Variants in PRR11 observed in about 807,000 individuals in gnomAD.
The protein encoded by PRR11 is proline rich 11, also known as proline-rich protein 11.
Under a neutral mutation model 45.6 loss-of-function variants are expected in PRR11, and 30 were observed. That is an observed-to-expected ratio of 0.66 (90% CI 0.49 to 0.89). The LOEUF (loss-of-function observed/expected upper bound fraction) is 0.89. Ranked by LOEUF, PRR11 falls within the 40% of genes least tolerant of loss-of-function variation. The pLI, the probability that PRR11 is intolerant of heterozygous loss-of-function variation, is 0.00. For missense variants in PRR11, 373 were observed against 424.8 expected, an observed-to-expected ratio of 0.88 and a Z score of 1.07; for synonymous variants, 128 against 153.5, an observed-to-expected ratio of 0.83 and a Z score of 1.23.
intron 2 of PRR11, chr17:59,178,368 G>T: frequency 2.3e-6 from 1 of 433,052 alleles, no homozygotes; most frequent in Non-Finnish European, 4.5e-6. Flanking sequence ...CATCTGGTGG[G>T]AAGTGCTGGA....
rs529976443 is a variant in PRR11, at chr17:59,187,469, C to T, written c.402+1907C>T. 1.4e-4 allele frequency among the ~76,000 whole-genome samples: 21 copies of T among 152,108 alleles called. No homozygotes were observed. The South Asian group carries it at 3.1e-3, about 23-fold the overall frequency. ...CCTGTAATCCCAGCTACTCGGATGG[C>T]TGAGGCAGGTGAATTGCTTGAACCC... On this transcript the variant is annotated intron_variant, in intron 4 of 9. Coordinates refer to ENST00000262293, the MANE Select transcript of PRR11 (RefSeq NM_018304.4).
At chr17:59,171,412 A>G (rs929887080) in intron 2 of PRR11, among the ~76,000 whole-genome samples, 14 of 152,208 alleles carry the variant, frequency 9.2e-5, no homozygotes, top group Admixed American at 3.9e-4. Context: ...TAAGTGTAAT[A>G]CATATATTAA....
intron 2 of PRR11, among the ~76,000 whole-genome samples, chr17:59,176,808 TG>T (rs2046749476): frequency 6.6e-6 from 1 of 150,680 alleles, no homozygotes; most frequent in Admixed American, 6.7e-5. Flanking sequence ...CGGGTTCTCT[TG>T]CCTGAGCCTC....
At chr17:59,159,725 C>A (rs1295521573) in intron 1 of PRR11, among the ~76,000 whole-genome samples, 1 of 152,198 alleles carries the variant, frequency 6.6e-6, no homozygotes, top group African/African-American at 2.4e-5. Context: ...AATCCCCTGA[C>A]ATACCTTTCT....
rs5821252 is a variant in PRR11 at position 59,184,850 on chromosome 17, GTTTTTTTTTTTTTT to G, written c.129-191_129-178del. Among the ~76,000 whole-genome samples the G allele has an allele frequency of 6.9e-5, 5 of 72,692 alleles. No individual in the cohort carries two copies. The Admixed American group carries it at 7.0e-4, about 10-fold the overall frequency. The allele number at this position is 72,692 out of a possible 152,430, so 47.7% of individuals were successfully genotyped here. On this transcript the variant is annotated intron_variant, in intron 2 of 9. Coordinates refer to ENST00000262293, the MANE Select transcript of PRR11 (RefSeq NM_018304.4). Reference sequence around the variant, plus strand: ...CTGGCACACCACCATGCCTGATTAAGTTTTTTTTTTTTTTTTTTTTTTTTTTGGCAGGGACAGGG... The same window carrying G: ...CTGGCACACCACCATGCCTGATTAAGTTTTTTTTTTTTGGCAGGGACAGGG...
chr17:59,195,291 T>A, intron 6 of PRR11, 40 bp from the exon 7 acceptor site: 1 of 1,478,230 alleles, frequency 6.8e-7, no homozygotes, highest in Non-Finnish European at 9.4e-7. Flanking sequence ...GAGTGATATT[T>A]TAAAATTTGT....
At chr17:59,171,486 A>G (rs2046708294) in intron 2 of PRR11, among the ~76,000 whole-genome samples, 1 of 152,150 alleles carries the variant, frequency 6.6e-6, no homozygotes, top group African/African-American at 2.4e-5. Flanking sequence ...AAAGATTTAA[A>G]TATAAAAGAT....
chr17:59,196,796 T>G (rs541142911), intron 7 of PRR11, among the ~76,000 whole-genome samples: 1 of 152,170 alleles, frequency 6.6e-6, no homozygotes, highest in East Asian at 1.9e-4. Flanking sequence ...GGTCAAGAAG[T>G]ATTACATATT....
At chr17:59,184,387 G>A (rs928892183) in intron 2 of PRR11, among the ~76,000 whole-genome samples, 4 of 152,154 alleles carry the variant, frequency 2.6e-5, no homozygotes, top group Non-Finnish European at 5.9e-5. Flanking sequence ...ACTTGAACTC[G>A]GGGTGCGGAG....
At chr17:59,178,104 C>A (rs1451270981) in intron 2 of PRR11, among the ~76,000 whole-genome samples, 2 of 151,728 alleles carry the variant, frequency 1.3e-5, no homozygotes, top group African/African-American at 2.4e-5. Context: ...GAGGCCAAGG[C>A]AAGCGGAACA....
chr17:59,175,516 A>G (rs1322259784), intron 2 of PRR11, among the ~76,000 whole-genome samples: 11 of 152,052 alleles, frequency 7.2e-5, no homozygotes, highest in Admixed American at 7.2e-4. Flanking sequence ...AATCCCAGCA[A>G]TTTGGGAGGC....
intron 1 of PRR11, among the ~76,000 whole-genome samples, chr17:59,164,068 TA>T (rs1449056234): frequency 3.3e-5 from 5 of 151,482 alleles, no homozygotes; most frequent in Non-Finnish European, 7.4e-5. Context: ...GACTCCATCT[TA>T]AAAAAAAGAA....
At chr17:59,199,709 C>T (rs2046883458) in intron 9 of PRR11, among the ~76,000 whole-genome samples, 1 of 152,182 alleles carries the variant, frequency 6.6e-6, no homozygotes, top group African/African-American at 2.4e-5. Flanking sequence ...TAGCAGACTC[C>T]ACTGCTGACA....
At chr17:59,172,886 C>T (rs971538478) in intron 2 of PRR11, among the ~76,000 whole-genome samples, 16 of 152,234 alleles carry the variant, frequency 1.1e-4, no homozygotes, top group African/African-American at 3.9e-4. Flanking sequence ...CATGCCCGCC[C>T]AAGGGCTGAG....
intron 2 of PRR11, among the ~76,000 whole-genome samples, chr17:59,173,044 C>T (rs376941230): frequency 9.8e-4 from 150 of 152,322 alleles, no homozygotes; most frequent in African/African-American, 3.4e-3. Flanking sequence ...ATGCACCAAT[C>T]GGCACTCTGT....
At chr17:59,159,619 T>C (rs2046642044) in intron 1 of PRR11, among the ~76,000 whole-genome samples, 3 of 152,228 alleles carry the variant, frequency 2.0e-5, no homozygotes, top group Admixed American at 2.0e-4. Context: ...GTTTCTGATG[T>C]CTTGGTCCTT....
intron 9 of PRR11, among the ~76,000 whole-genome samples, chr17:59,199,518 G>A (rs1255874199): frequency 1.3e-5 from 2 of 152,184 alleles, no homozygotes; most frequent in African/African-American, 4.8e-5. Context: ...TAGATCAGCT[G>A]GCCCTGGTGT....
intron 9 of PRR11, 81 bp from the exon 10 acceptor site, chr17:59,201,482 C>A: frequency 1.4e-6 from 2 of 1,439,540 alleles, no homozygotes; most frequent in South Asian, 1.2e-5. Flanking sequence ...TGCAAAAATT[C>A]TGGGTTCTGT....
chr17:59,174,547 C>T (rs1483159914), intron 2 of PRR11, among the ~76,000 whole-genome samples: 1 of 152,186 alleles, frequency 6.6e-6, no homozygotes, highest in East Asian at 1.9e-4. Context: ...AGGATCAGGG[C>T]TCCCTGCAGC....
Sources: allele counts gnomAD v4.1 joint callset (sites outside exome capture counted in the v4.1 genomes callset), GRCh38; gene constraint gnomAD v4.1.1; transcripts MANE v1.5; gene names NCBI Gene and HGNC (gene_info 2026-07-23, HGNC 2026-07-21).